ANXA11: variants seen among roughly 807,000 people sequenced by gnomAD.
ANXA11 encodes 56 kDa autoantigen.
Under a neutral mutation model 64.7 loss-of-function variants are expected in ANXA11, and 57 were observed. The observed-to-expected ratio is 0.88, with a 90% CI of 0.71 to 1.10. The LOEUF (loss-of-function observed/expected upper bound fraction) is 1.10. Among genes scored for constraint, ANXA11 ranks in the 50% least tolerant of loss-of-function variants. The pLI, the probability that ANXA11 is intolerant of heterozygous loss-of-function variation, is 0.00. For synonymous variants in ANXA11, 260 were observed against 265.2 expected (o/e 0.98, Z 0.19); for missense variants, 675 against 670.7 (o/e 1.01, Z -0.07).
chr10:80,171,891 G>C, intron 3 of ANXA11: 1 of 985,530 alleles, frequency 1.0e-6, no homozygotes, highest in Non-Finnish European at 1.2e-6. Flanking sequence ...CCTGGGGTGG[G>C]CTCATTCAGA....
intron 4 of ANXA11, among the ~76,000 whole-genome samples, chr10:80,169,669 A>G (rs752635564): frequency 5.3e-5 from 8 of 152,116 alleles, no homozygotes; most frequent in Non-Finnish European, 1.0e-4. Flanking sequence ...ACTGCCCAAG[A>G]AGGTGCGTGG....
intron 1 of ANXA11, among the ~76,000 whole-genome samples, chr10:80,198,975 C>T (rs181681174): frequency 1.8e-4 from 28 of 152,250 alleles, no homozygotes; most frequent in African/African-American, 6.5e-4. Context: ...AAGACAGAAA[C>T]CATGCAATTA....
chr10:80,155,600 G>A lies in ANXA11; in HGVS notation c.*253C>T, dbSNP rs1589410104. 1.6e-5 allele frequency: 8 copies of A among 497,748 alleles called. No homozygotes were observed. In the East Asian group the frequency reaches 2.2e-4, roughly 14 times the overall value. The allele number at this position is 497,748 out of a possible 1,614,324, so 30.8% of individuals were successfully genotyped here. On this transcript the variant is annotated 3_prime_UTR_variant, in exon 16 of 16. Transcript: ENST00000422982. ...CAAAGGGGAATGATTGCATGAGTCA[G>A]AAAAATGAAACATCTATTTTAGCAG...
chr10:80,197,852 A>G (rs988099297), intron 1 of ANXA11, among the ~76,000 whole-genome samples: 2 of 151,832 alleles, frequency 1.3e-5, no homozygotes, highest in African/African-American at 4.8e-5. Flanking sequence ...TGAACCCAGG[A>G]GGCAGAGCTT....
At chr10:80,193,784 C>T (rs1301138572) in intron 1 of ANXA11, among the ~76,000 whole-genome samples, 3 of 135,212 alleles carry the variant, frequency 2.2e-5, no homozygotes, top group Non-Finnish European at 4.6e-5. Context: ...TGCACTCCAG[C>T]TTGGGCAACA....
chr10:80,181,842 T>G (rs1369533694), intron 1 of ANXA11, among the ~76,000 whole-genome samples: 2 of 152,238 alleles, frequency 1.3e-5, no homozygotes, highest in Non-Finnish European at 2.9e-5. Context: ...CTGGTGGGGA[T>G]GTAAAGCGGT....
chr10:80,203,624 CAG>C (rs1840541598), intron 1 of ANXA11, among the ~76,000 whole-genome samples: 1 of 152,092 alleles, frequency 6.6e-6, no homozygotes, highest in African/African-American at 2.4e-5. Context: ...CCTCCAGAGT[CAG>C]AGGACAGGGC....
chr10:80,162,127 T>A, intron 11 of ANXA11, 99 bp from the exon 12 acceptor site: 3 of 1,056,622 alleles, frequency 2.8e-6, no homozygotes, highest in Non-Finnish European at 4.2e-6. Flanking sequence ...GGTTTGAGCC[T>A]AAAGTATTTG....
intron 1 of ANXA11, among the ~76,000 whole-genome samples, chr10:80,203,268 C>T (rs561910631): frequency 1.3e-5 from 2 of 152,224 alleles, no homozygotes; most frequent in East Asian, 3.9e-4. Flanking sequence ...CCTGTCATCC[C>T]AAGCCACACA....
chr10:80,166,949 T>C lies in ANXA11; in HGVS notation c.685A>G (p.Ser229Gly), dbSNP rs1455029856. 1 of 1,607,556 alleles carries C rather than the reference T, an allele frequency of 6.2e-7. No homozygotes were observed. Reference protein sequence around the residue: ...DEQAIIDCLGSRSNKQRQQIL... With the variant: ...DEQAIIDCLGGRSNKQRQQIL... ...TGCTGCCGCTGCTTGTTGGAGCGAC[T>C]CCCCAGGCAGTCAATGATGGCCTGC... The change falls in exon 7 of 16, where the codon AGT becomes GGT. Residue 229 changes from serine to glycine, a missense_variant. Ser to Gly is a moderately conservative substitution (Grantham distance 56). Coordinates refer to ENST00000422982, the MANE Select transcript of ANXA11 (RefSeq NM_145868.2).
chr10:80,164,159 A>G lies in ANXA11; in HGVS notation c.859-16T>C, dbSNP rs1405466637. ...TGCCAACCCCCTGCAGGGGCAGAGA[A>G]TACAACCAACCATGTGCTTGTTCCA... On this transcript the variant is annotated splice_polypyrimidine_tract_variant and intron_variant, in intron 8 of 15. Transcript: ENST00000422982. 2 of 1,607,862 alleles carry G rather than the reference A, an allele frequency of 1.2e-6. No homozygotes were observed. The highest frequency in any genetic ancestry group is 1.7e-6 in the Non-Finnish European group (2 of 1,174,700).
chr10:80,202,500 A>G (rs545765773), intron 1 of ANXA11, among the ~76,000 whole-genome samples: 8 of 152,260 alleles, frequency 5.3e-5, no homozygotes, highest in South Asian at 4.2e-4. Context: ...AACTCCCTTT[A>G]AAAGCACAAA....
intron 1 of ANXA11, among the ~76,000 whole-genome samples, chr10:80,201,980 A>T (rs1840445433): frequency 6.6e-6 from 1 of 152,126 alleles, no homozygotes; most frequent in Non-Finnish European, 1.5e-5. Flanking sequence ...CTTTTCTGCT[A>T]AGGCGGAGCC....
rs907718588 is a variant in ANXA11 at position 80,190,634 on chromosome 10, C to T, written c.-57-14479G>A. On this transcript the variant is annotated intron_variant, in intron 1 of 15. Coordinates refer to ENST00000422982, the MANE Select transcript of ANXA11 (RefSeq NM_145868.2). ...CTGAGTAGCTGGGATCACAGGCGCCCGCCACCGCGCCCAGCTAGTTTTTTG... is the reference window on the plus strand; with the variant it reads ...CTGAGTAGCTGGGATCACAGGCGCCTGCCACCGCGCCCAGCTAGTTTTTTG... 4.0e-5 allele frequency among the ~76,000 whole-genome samples: 6 copies of T among 151,410 alleles called. No individual in the cohort carries two copies. In the South Asian group the frequency reaches 6.2e-4, roughly 16 times the overall value.
intron 2 of ANXA11, among the ~76,000 whole-genome samples, chr10:80,173,549 C>G (rs952444375): frequency 6.6e-6 from 1 of 152,146 alleles, no homozygotes; most frequent in Non-Finnish European, 1.5e-5. Context: ...GGAGGAAGAG[C>G]AGCCTGGACA....
intron 3 of ANXA11, chr10:80,171,694 G>A (rs762235014): frequency 1.0e-6 from 1 of 985,482 alleles, no homozygotes; most frequent in Non-Finnish European, 1.2e-6. Flanking sequence ...CCTCTACATG[G>A]CAGCTTCGGA....
At chr10:80,161,089 G>A (rs1308823884) in intron 12 of ANXA11, among the ~76,000 whole-genome samples, 1 of 152,108 alleles carries the variant, frequency 6.6e-6, no homozygotes, top group East Asian at 1.9e-4. Flanking sequence ...CAGGGATTCT[G>A]CACAGCCTCC....
At chr10:80,162,496 G>A (rs944850599) in intron 11 of ANXA11, among the ~76,000 whole-genome samples, 20 of 152,358 alleles carry the variant, frequency 1.3e-4, no homozygotes, top group African/African-American at 4.3e-4. Context: ...ACAGAAGACC[G>A]AGCCAGGAGT....
chr10:80,164,241 A>G, intron 8 of ANXA11, 98 bp from the exon 9 acceptor site: 1 of 901,212 alleles, frequency 1.1e-6, no homozygotes, highest in Non-Finnish European at 1.8e-6. Flanking sequence ...CCTTAATCCC[A>G]GCAACAGAGG....
Sources: gnomAD v4.1 joint callset for allele counts (sites outside exome capture counted in the v4.1 genomes callset) on GRCh38, gnomAD v4.1.1 for gene constraint, MANE v1.5 for transcripts, NCBI Gene and HGNC (gene_info 2026-07-23, HGNC 2026-07-21) for gene names.